PHRF1: variants seen among roughly 807,000 people sequenced by gnomAD.
PHRF1 encodes the protein PHD and RING finger domain-containing protein 1.
Under a neutral mutation model 128.9 loss-of-function variants are expected in PHRF1, and 53 were observed. That is an observed-to-expected ratio of 0.41 (90% CI 0.33 to 0.52). PHRF1 has a LOEUF of 0.52. Ranked by LOEUF, PHRF1 falls within the 20% of genes least tolerant of loss-of-function variation. PHRF1 has a pLI of 0.21. For synonymous variants in PHRF1, 1,178 were observed against 980.6 expected (o/e 1.20, Z -3.76); for missense variants, 2,503 against 2,284.5 (o/e 1.10, Z -1.95).
Position 587,354 on chromosome 11 carries a change from G to T in PHRF1, c.310G>T (p.Asp104Tyr). 1.2e-6 allele frequency: 2 copies of T among 1,613,878 alleles called. No individual in the cohort carries two copies. Among genetic ancestry groups the T allele is most frequent in the Non-Finnish European group, 1.7e-6 (2 of 1,179,900 alleles). The change falls in exon 4 of 18, where the codon GAT (aspartate) becomes TAT (tyrosine). Residue 104 changes from aspartate to tyrosine, a missense_variant. Physicochemically the swap from Asp to Tyr is radical, Grantham distance 160. Transcript: ENST00000264555. ...CGCTGGCTCTTTCAATTCTGATGATGATGCAGAGAGCTGCCCAATCTGTCT... is the reference window on the plus strand; with the variant it reads ...CGCTGGCTCTTTCAATTCTGATGATTATGCAGAGAGCTGCCCAATCTGTCT... ...EAAGSFNSDD[D>Y]AESCPICLNA...
chr11:600,349 G>A (rs901913884), intron 9 of PHRF1, among the ~76,000 whole-genome samples: 1 of 151,324 alleles, frequency 6.6e-6, no homozygotes, highest in African/African-American at 2.4e-5. Flanking sequence ...CCAGGCTCAA[G>A]CAATTGTGGT....
chr11:589,988 G>A (rs1854858649), intron 4 of PHRF1, among the ~76,000 whole-genome samples: 1 of 151,478 alleles, frequency 6.6e-6, no homozygotes. Flanking sequence ...CGGGCACGGA[G>A]CGTGTGGGGC....
chr11:576,933 C>G (rs1168939213), intron 1 of PHRF1, among the ~76,000 whole-genome samples: 1 of 151,660 alleles, frequency 6.6e-6, no homozygotes, highest in African/African-American at 2.4e-5. Context: ...GGCCCGTGGC[C>G]TGCGGGCGGA....
intron 9 of PHRF1, among the ~76,000 whole-genome samples, chr11:599,312 A>C (rs1230251997): frequency 7.9e-6 from 1 of 127,300 alleles, no homozygotes; most frequent in Non-Finnish European, 1.5e-5. Context: ...GTGCAGTGGC[A>C]TGATCTTGGC....
At position 592,695 on chromosome 11, in the gene PHRF1, G is replaced by T. The variant is rs371082411; in HGVS notation, c.620+21G>T. On this transcript the variant is annotated intron_variant, in intron 6 of 17. Coordinates refer to ENST00000264555, the MANE Select transcript of PHRF1 (RefSeq NM_001286581.2). Reference sequence around the variant, plus strand: ...GCGGGGTAAGGGACGGTTGGGACTGGCACACGTGCCCTGCTGCGTGCAAGG... The same window carrying T: ...GCGGGGTAAGGGACGGTTGGGACTGTCACACGTGCCCTGCTGCGTGCAAGG... The T allele has an allele frequency of 2.5e-6, 4 of 1,612,280 alleles. No individual in the cohort carries two copies. The African/African-American group carries it at 4.0e-5, about 16-fold the overall frequency.
chr11:593,203 T>G (rs1855085828), intron 6 of PHRF1, among the ~76,000 whole-genome samples: 1 of 152,270 alleles, frequency 6.6e-6, no homozygotes, highest in Non-Finnish European at 1.5e-5. Flanking sequence ...CTTTGTGTCG[T>G]TGGCTGTAAG....
rs1172480907 is a variant in PHRF1, at chr11:597,440, A to G, written c.764A>G (p.Asp255Gly). ...GAGGAGGTCTCCCTGCTCTTGGCTG[A>G]TGTGGTGCCCACCACCAGCAGGCTT... is the stretch of plus-strand genomic sequence containing the variant. The part of the protein sequence containing the change: ...SEEEVSLLLA[D>G]VVPTTSRLRP... The change falls in exon 8 of 18, where the codon GAT becomes GGT. Residue 255 changes from aspartate (D) to glycine (G), a missense_variant. Physicochemically the swap from Asp to Gly is moderately conservative, Grantham distance 94. Coordinates refer to ENST00000264555, the MANE Select transcript of PHRF1 (RefSeq NM_001286581.2). The surrounding 1 kb of genome is among the most constrained non-coding windows in gnomAD (Gnocchi z 6.5). The G allele has an allele frequency of 6.2e-7, 1 of 1,612,964 alleles. No homozygotes were observed. The highest frequency in any genetic ancestry group is 8.5e-7 in the Non-Finnish European group (1 of 1,179,628).
rs773314792 is a variant in PHRF1 at position 607,639 on chromosome 11, G to A, written c.2183G>A (p.Arg728Gln). 1.9e-5 allele frequency: 31 copies of A among 1,611,596 alleles called. No homozygotes were observed. Among genetic ancestry groups the A allele is most frequent in the South Asian group, 1.9e-4 (17 of 91,032 alleles). ...EGTGQPGRGT[R>Q]AESEASSRVP... The stretch of plus-strand genomic sequence containing the variant: ...ACCGGGCAGCCAGGGCGAGGCACAC[G>A]GGCAGAGAGCGAGGCCAGCAGCAGG... Residue 728 changes from arginine (R) to glutamine (Q), a missense_variant, in exon 14 of 18, where the codon CGG becomes CAG. Arg to Gln is a conservative substitution (Grantham distance 43). Transcript: ENST00000264555.
chr11:582,351 G>C (rs1854258311), intron 3 of PHRF1, among the ~76,000 whole-genome samples: 1 of 149,030 alleles, frequency 6.7e-6, no homozygotes, highest in African/African-American at 2.5e-5. Flanking sequence ...TGCAACTTCT[G>C]CCTCCCGGGT....
In PHRF1 at chr11:608,537, C is replaced by T. The variant is rs370641871; in HGVS notation, c.3081C>T (p.Asp1027=). Residue 1027 remains aspartate, a synonymous_variant, in exon 14 of 18, where the codon GAC becomes GAT. Transcript: ENST00000264555. ...CTGGGACGCGCTCTGAATCCAGGGA[C>T]AGGAGCTCGAGGTCAGCGTCACCAT... is the stretch of plus-strand genomic sequence containing the variant. ...TRSGTRSESR[D]RSSRSASPSV... is the part of the protein sequence containing the mutation. 1.7e-5 allele frequency: 27 copies of T among 1,612,172 alleles called. No homozygotes were observed. Among genetic ancestry groups the T allele is most frequent in the Non-Finnish European group, 2.1e-5 (25 of 1,179,800 alleles).
Position 609,045 on chromosome 11 carries a change from G to A in PHRF1, c.3589G>A (p.Ala1197Thr), listed in dbSNP as rs771648423. 2 of 1,594,884 alleles carry A rather than the reference G, an allele frequency of 1.3e-6. No homozygotes were observed. Among genetic ancestry groups the A allele is most frequent in the East Asian group, 4.5e-5 (2 of 44,084 alleles). ...TRSHSPERKG[A>T]VREASPAPLA... ...GTCCCATTCCCCAGAGAGGAAGGGG[G>A]CTGTGAGGGAGGCTTCCCCAGCGCC... The change falls in exon 14 of 18, where the codon GCT (alanine) becomes ACT (threonine). Residue 1197 changes from alanine to threonine, a missense_variant. Coordinates refer to ENST00000264555, the MANE Select transcript of PHRF1 (RefSeq NM_001286581.2).
In PHRF1 at chr11:584,019, A is replaced by T. The variant is rs191375233; in HGVS notation, c.214+1938A>T. Among the ~76,000 whole-genome samples, 3 of 152,336 alleles carry T rather than the reference A, an allele frequency of 2.0e-5. No individual in the cohort carries two copies. The East Asian group carries it at 5.8e-4, about 29-fold the overall frequency. On this transcript the variant is annotated intron_variant, in intron 3 of 17. Coordinates refer to ENST00000264555, the MANE Select transcript of PHRF1 (RefSeq NM_001286581.2). ...AGTCTTTCTGCATAGCCCTGTGGTT[A>T]TCAGGGTTAGAATGTTCCAGAAAGG...
intron 3 of PHRF1, among the ~76,000 whole-genome samples, chr11:583,507 ACT>A (rs1472994121): frequency 2.6e-5 from 4 of 152,168 alleles, no homozygotes; most frequent in Non-Finnish European, 5.9e-5. Context: ...ACAGAGCGAG[ACT>A]CTGTCTCAAA....
Position 609,507 on chromosome 11 carries a change from G to C in PHRF1, c.4051G>C (p.Ala1351Pro), listed in dbSNP as rs768256296. 3 of 1,603,092 alleles carry C rather than the reference G, an allele frequency of 1.9e-6. No individual in the cohort carries two copies. The highest frequency in any genetic ancestry group is 2.5e-6 in the Non-Finnish European group (3 of 1,178,146). ...TQEPHLLRPD[A>P]AEKAEAPSSP... ...GGAGCCACATTTGCTCAGGCCGGACGCGGCTGAGAAGGCTGAGGCACCCAG... is the reference window on the plus strand; with the variant it reads ...GGAGCCACATTTGCTCAGGCCGGACCCGGCTGAGAAGGCTGAGGCACCCAG... Residue 1351 changes from alanine to proline, a missense_variant, in exon 14 of 18, where the codon GCG (alanine) becomes CCG (proline). By Grantham distance (27) the Ala-to-Pro change is conservative. Transcript: ENST00000264555.
At chr11:596,561 C>G (rs936888813) in intron 6 of PHRF1, among the ~76,000 whole-genome samples, 1 of 152,180 alleles carries the variant, frequency 6.6e-6, no homozygotes, top group African/African-American at 2.4e-5. Context: ...GGCTGGGCAG[C>G]GTAAACCGCA....
chr11:593,361 C>T (rs917075464), intron 6 of PHRF1, among the ~76,000 whole-genome samples: 2 of 152,274 alleles, frequency 1.3e-5, no homozygotes, highest in African/African-American at 4.8e-5. Context: ...GGGGCCTTCT[C>T]TTGGGTGGGA....
chr11:602,341 A>C (rs1340351834), intron 10 of PHRF1, among the ~76,000 whole-genome samples: 1 of 152,122 alleles, frequency 6.6e-6, no homozygotes, highest in African/African-American at 2.4e-5. Context: ...TAAATGTATC[A>C]CCTTGTCCAC....
intron 4 of PHRF1, among the ~76,000 whole-genome samples, chr11:590,522 G>A (rs982454994): frequency 1.3e-5 from 2 of 152,102 alleles, no homozygotes; most frequent in African/African-American, 4.8e-5. Context: ...CGAAGACCAG[G>A]GTGGGTACTC....
At position 611,621 on chromosome 11, in the gene PHRF1, CCT is replaced by C. The variant is rs2133113838; in HGVS notation, c.4807-10_4807-9del. The C allele has an allele frequency of 6.2e-7, 1 of 1,612,798 alleles. No homozygotes were observed. Among genetic ancestry groups the C allele is most frequent in the Non-Finnish European group, 8.5e-7 (1 of 1,179,794 alleles). ...TGTGAAAGGGCATTTGGTGATTGCA[CCT>C]CTTTCTCCAGATCTGCCACAGCAAG... On this transcript the variant is annotated splice_polypyrimidine_tract_variant and intron_variant, in intron 17 of 17. Transcript: ENST00000264555.
Sources: allele counts gnomAD v4.1 joint callset (sites outside exome capture counted in the v4.1 genomes callset), GRCh38; gene constraint gnomAD v4.1.1; non-coding constraint Gnocchi (gnomAD v3.1); transcripts MANE v1.5; gene names NCBI Gene and HGNC (gene_info 2026-07-23, HGNC 2026-07-21).